The following CIRBP variants were observed in gnomAD, a reference collection of about 807,000 sequenced individuals.
CIRBP encodes the protein cold-inducible RNA-binding protein.
Under a neutral mutation model 22.3 loss-of-function variants are expected in CIRBP, and 11 were observed. The ratio of observed to expected loss-of-function variants is 0.49; its 90% CI spans 0.31 to 0.82. CIRBP has a LOEUF of 0.82. CIRBP is among the 40% of genes least tolerant of loss of function. CIRBP has a pLI of 0.05. For synonymous variants in CIRBP, 216 were observed against 158.8 expected (o/e 1.36, Z -2.71); for missense variants, 456 against 402.7 (o/e 1.13, Z -1.13).
In CIRBP at chr19:1,272,123, C is replaced by G. The variant is rs2081352392; in HGVS notation, c.574C>G (p.Pro192Ala). ...AGCTCGGTTCACCTTGGTGCCCTCT[C>G]CAAGCACTTTAGGCTGGACACTCAG... ...VGARFTLVPSPSTLGWTLRPC... is the reference protein window; with the variant it reads ...VGARFTLVPSASTLGWTLRPC... The change falls in exon 6 of 6, where the codon CCA (proline) becomes GCA (alanine). Residue 192 changes from proline to alanine, a missense_variant. Coordinates refer to ENST00000587896, the MANE Select transcript of CIRBP (RefSeq NM_001300829.2). 6.2e-7 allele frequency: 1 copy of G among 1,613,704 alleles called. No individual in the cohort carries two copies. The highest frequency in any genetic ancestry group is 8.5e-7 in the Non-Finnish European group (1 of 1,179,968).
rs1391456877 is a variant in CIRBP at position 1,270,214 on chromosome 19, C to T, written c.-6-714C>T. On this transcript the variant is annotated intron_variant, in intron 1 of 5. Coordinates refer to ENST00000587896, the MANE Select transcript of CIRBP (RefSeq NM_001300829.2). ...CCCTGAGGTGCCCCCCAGGACGGGG[C>T]GGCCTCCCTGACAGCCAGCCCCCCC... is the stretch of plus-strand genomic sequence containing the variant. 7 of 404,350 alleles carry T rather than the reference C, an allele frequency of 1.7e-5. No individual in the cohort carries two copies. In the Middle Eastern group the frequency reaches 1.1e-3, roughly 61 times the overall value. The allele number at this position is 404,350 out of a possible 1,614,324, so 25.0% of individuals were successfully genotyped here. A position where few individuals can be genotyped will look rare whatever the true frequency, so the allele number is the denominator to read the frequency against.
chr19:1,271,781 C>T, intron 5 of CIRBP, 149 bp downstream of exon 5: 1 of 704,430 alleles, frequency 1.4e-6, no homozygotes, highest in South Asian at 1.9e-5. Flanking sequence ...GAGGAGACTG[C>T]TCAGGACATT....
Position 1,272,586 on chromosome 19 carries a change from A to C in CIRBP, c.*143A>C. The C allele has an allele frequency of 1.4e-6, 1 of 737,222 alleles. No individual in the cohort carries two copies. Among genetic ancestry groups the C allele is most frequent in the Non-Finnish European group, 2.2e-6 (1 of 450,038 alleles). The allele number at this position is 737,222 out of a possible 1,614,324, so 45.7% of individuals were successfully genotyped here. On this transcript the variant is annotated 3_prime_UTR_variant, in exon 6 of 6. Transcript: ENST00000587896. ...TTTCGGTTCTGATCTTGTCAAACCC[A>C]GCCTGACCGCTTCTGACGCCGGGAT...
In CIRBP at chr19:1,271,570, T is replaced by TG; in HGVS notation, c.375dup (p.Asn126GlufsTer18). 2 of 1,562,526 alleles carry TG rather than the reference T, an allele frequency of 1.3e-6. No homozygotes were observed. The highest frequency in any genetic ancestry group is 8.6e-7 in the Non-Finnish European group (1 of 1,156,432). ...GTGCAGGAGGAGGGGACCGAGGCTA[T>TG]GGGGGGAACCGGTTCGAGTCCAGGA... is the stretch of plus-strand genomic sequence containing the variant. On this transcript the variant is annotated frameshift_variant, in exon 5 of 6. Transcript: ENST00000587896. LOFTEE classifies it high-confidence loss of function.
In CIRBP at chr19:1,272,020, C is replaced by T. The variant is rs750904041; in HGVS notation, c.471C>T (p.Gly157=). The T allele has an allele frequency of 6.8e-5, 110 of 1,612,876 alleles. No individual in the cohort carries two copies. The highest frequency in any genetic ancestry group is 8.9e-5 in the Non-Finnish European group (105 of 1,179,066). ...QSGGYSDRSS[G]GSYRDSYDSY... is the part of the protein sequence containing the mutation. ...GTGGCTACAGTGACCGGAGCTCGGG[C>T]GGGTCCTACAGAGACAGTTATGACA... is the stretch of plus-strand genomic sequence containing the variant. The change falls in exon 6 of 6, where the codon GGC becomes GGT. Residue 157 remains glycine, a synonymous_variant. Coordinates refer to ENST00000587896, the MANE Select transcript of CIRBP (RefSeq NM_001300829.2).
Position 1,273,562 on chromosome 19 carries a change from TCTG to T in CIRBP, c.*1123_*1125del, listed in dbSNP as rs1400213761. Reference sequence around the variant, plus strand: ...TCAGACGGCCAGCCGGTTAGCTAGTTCTGCTGTTGCTTCACGAGTTCTGAGCAT... The same window carrying T: ...TCAGACGGCCAGCCGGTTAGCTAGTTCTGTTGCTTCACGAGTTCTGAGCAT... On this transcript the variant is annotated 3_prime_UTR_variant, in exon 6 of 6. Coordinates refer to ENST00000587896, the MANE Select transcript of CIRBP (RefSeq NM_001300829.2). 1 of 152,276 alleles carries T rather than the reference TCTG, an allele frequency of 6.6e-6. No individual in the cohort carries two copies. The highest frequency in any genetic ancestry group is 1.5e-5 in the Non-Finnish European group (1 of 68,086). The allele number at this position is 152,276 out of a possible 1,614,324, so 9.4% of individuals were successfully genotyped here. A position where few individuals can be genotyped will look rare whatever the true frequency, so the allele number is the denominator to read the frequency against.
intron 1 of CIRBP, chr19:1,269,881 G>C (rs1311356246): frequency 1.9e-6 from 1 of 519,780 alleles, no homozygotes; most frequent in Non-Finnish European, 3.8e-6. Context: ...GGACGGCCTC[G>C]TAAATCTTGG....
At position 1,273,967 on chromosome 19, in the gene CIRBP, C is replaced by T. The variant is rs1283213164; in HGVS notation, c.*1524C>T. The stretch of plus-strand genomic sequence containing the variant: ...TTAAGCAGGATTGAAGACCAGTGAA[C>T]GCCCCCGCCTTTTGGATTTTTTGCT... On this transcript the variant is annotated 3_prime_UTR_variant, in exon 6 of 6. Transcript: ENST00000587896. 3 of 220,716 alleles carry T rather than the reference C, an allele frequency of 1.4e-5. No individual in the cohort carries two copies. Among genetic ancestry groups the T allele is most frequent in the East Asian group, 8.7e-5 (1 of 11,472 alleles). The allele number at this position is 220,716 out of a possible 1,614,324, so 13.7% of individuals were successfully genotyped here.
At chr19:1,270,734 C>G (rs138077805) in intron 1 of CIRBP, 194 bp from the exon 2 acceptor site, 31 of 572,506 alleles carry the variant, frequency 5.4e-5, no homozygotes, top group Non-Finnish European at 9.7e-5. Flanking sequence ...GCACTCCAGT[C>G]TGGGTGACAG....
intron 1 of CIRBP, among the ~76,000 whole-genome samples, chr19:1,269,663 G>T (rs936899417): frequency 6.6e-6 from 1 of 151,916 alleles, no homozygotes; most frequent in Admixed American, 6.5e-5. Context: ...GCTGTGCCCA[G>T]CGAAATGGCG....
intron 1 of CIRBP, chr19:1,270,261 A>C: frequency 2.6e-6 from 1 of 384,064 alleles, no homozygotes; most frequent in East Asian, 7.3e-5. Flanking sequence ...GAGGCATTTT[A>C]CAGTGAGCAG....
Position 1,273,488 on chromosome 19 carries a change from G to C in CIRBP, c.*1045G>C, listed in dbSNP as rs931207234. ...CCTGACGCTGACCTGGACTGCCTCA[G>C]TCTAGAAGCAGGCCAGAGAGCAGAG... On this transcript the variant is annotated 3_prime_UTR_variant, in exon 6 of 6. Coordinates refer to ENST00000587896, the MANE Select transcript of CIRBP (RefSeq NM_001300829.2). The C allele has an allele frequency of 2.6e-5, 4 of 152,316 alleles. No homozygotes were observed. Among genetic ancestry groups the C allele is most frequent in the Non-Finnish European group, 5.9e-5 (4 of 68,094 alleles). 9.4% of individuals were successfully genotyped at this position (152,316 alleles called of 1,614,324 possible).
At chr19:1,269,725 C>G in intron 1 of CIRBP, 1 of 362,688 alleles carries the variant, frequency 2.8e-6, no homozygotes, top group Admixed American at 3.6e-5. Context: ...GGGGCGCATG[C>G]GCACGCGGCG....
chr19:1,272,349 G>A lies in CIRBP; in HGVS notation c.800G>A (p.Arg267His), dbSNP rs758650127. ...TGGTTGCTCCCCGGCCGCAGGCCGC[G>A]CCCTGGTCTGGCCTCTGGGGTGAAG... ...GGWLLPGRRP[R>H]PGLASGVKLP... is the part of the protein sequence containing the mutation. The change falls in exon 6 of 6, where the codon CGC becomes CAC. Residue 267 changes from arginine to histidine, a missense_variant. Arg to His is a conservative substitution (Grantham distance 29, BLOSUM62 0). Transcript: ENST00000587896. The A allele has an allele frequency of 1.8e-5, 29 of 1,613,148 alleles. No homozygotes were observed. The highest frequency in any genetic ancestry group is 1.6e-4 in the South Asian group (15 of 90,976).
intron 5 of CIRBP, 100 bp downstream of exon 5, chr19:1,271,732 G>A: frequency 2.4e-6 from 2 of 833,666 alleles, no homozygotes; most frequent in Non-Finnish European, 3.8e-6. Context: ...GACTGGCTGG[G>A]CAAGGAGCAG....
intron 5 of CIRBP, 58 bp downstream of exon 5, chr19:1,271,690 C>A: frequency 2.6e-6 from 3 of 1,132,646 alleles, no homozygotes; most frequent in East Asian, 2.4e-5. Context: ...GCTTCCGTCC[C>A]GGGTCCCAGG....
At chr19:1,271,757 C>T (rs2081344959) in intron 5 of CIRBP, 125 bp downstream of exon 5, 6 of 735,222 alleles carry the variant, frequency 8.2e-6, no homozygotes, top group South Asian at 5.5e-5. Flanking sequence ...AGGTGGGGAC[C>T]CAGGCCAAGA....
At position 1,271,647 on chromosome 19, in the gene CIRBP, G is replaced by A. The variant is rs771626133; in HGVS notation, c.431+15G>A. On this transcript the variant is annotated intron_variant, in intron 5 of 5. Coordinates refer to ENST00000587896, the MANE Select transcript of CIRBP (RefSeq NM_001300829.2). ...TACTATAGCAGGTGAGGGGGAGGCC[G>A]GCCCAAGCACAGGGGTGGTTGCGGG... 6.8e-6 allele frequency: 10 copies of A among 1,470,428 alleles called. No homozygotes were observed. In the East Asian group the frequency reaches 6.8e-5, roughly 10 times the overall value. 91.1% of individuals were successfully genotyped at this position (1,470,428 alleles called of 1,614,324 possible).
At chr19:1,270,602 T>A (rs770102521) in intron 1 of CIRBP, among the ~76,000 whole-genome samples, 11 of 151,946 alleles carry the variant, frequency 7.2e-5, no homozygotes, top group Non-Finnish European at 1.3e-4. Flanking sequence ...ACCCCATCTC[T>A]ACTAAAACAA....
Sources: gnomAD v4.1 joint callset for allele counts (sites outside exome capture counted in the v4.1 genomes callset) on GRCh38, gnomAD v4.1.1 for gene constraint, MANE v1.5 for transcripts, NCBI Gene and HGNC (gene_info 2026-07-23, HGNC 2026-07-21) for gene names.